KNTC1: variants seen among roughly 807,000 people sequenced by gnomAD.
KNTC1 encodes the protein kinetochore-associated protein 1.
In KNTC1, 253 loss-of-function variants were observed where a neutral mutation model predicts 314.4. The ratio of observed to expected loss-of-function variants is 0.80; its 90% CI spans 0.73 to 0.89. KNTC1 has a LOEUF of 0.89. KNTC1 is among the 40% of genes least tolerant of loss of function. The pLI is 0.00. For missense variants in KNTC1, 2,475 were observed against 2,572.9 expected (o/e 0.96, Z 0.82); for synonymous variants, 901 against 901.4 (o/e 1.00, Z 0.01).
At chr12:122,539,580 C>T (rs1259222891) in intron 4 of KNTC1, 96 bp from the exon 5 acceptor site, 2 of 833,516 alleles carry the variant, frequency 2.4e-6, no homozygotes, top group East Asian at 5.6e-5. Context: ...AGAATTATTG[C>T]TAATGATAAT....
intron 43 of KNTC1, among the ~76,000 whole-genome samples, chr12:122,596,490 T>TA (rs1472531573): frequency 2.0e-5 from 3 of 151,698 alleles, no homozygotes; most frequent in African/African-American, 7.2e-5. Flanking sequence ...GTGCTGGGAT[T>TA]ACAGGCGTGA....
chr12:122,567,951 T>C (rs1421599682), intron 20 of KNTC1, among the ~76,000 whole-genome samples: 1 of 152,090 alleles, frequency 6.6e-6, no homozygotes, highest in Non-Finnish European at 1.5e-5. Flanking sequence ...CATAGTGAGA[T>C]CCCATCTCAA....
chr12:122,566,495 C>T (rs543285008), intron 20 of KNTC1, among the ~76,000 whole-genome samples: 26 of 149,108 alleles, frequency 1.7e-4, no homozygotes, highest in Non-Finnish European at 3.1e-4. Flanking sequence ...CTGCAACTTC[C>T]GCCTCCTATA....
At chr12:122,538,040 G>A (rs1396284025) in intron 3 of KNTC1, among the ~76,000 whole-genome samples, 1 of 152,112 alleles carries the variant, frequency 6.6e-6, no homozygotes, top group East Asian at 1.9e-4. Context: ...AGGCTGAGGT[G>A]GGAGAATTGC....
At position 122,622,010 on chromosome 12, in the gene KNTC1, T is replaced by A. The variant is rs761531789; in HGVS notation, c.6369+40T>A. ...CATCTCCTTTTTGCTATGAAAATGT[T>A]GATACTAGAAGGTAGTCATTTTCCC... On this transcript the variant is annotated intron_variant, in intron 61 of 63. Transcript: ENST00000333479. The A allele has an allele frequency of 1.4e-4, 196 of 1,363,046 alleles. 1 individual carries two copies. Among genetic ancestry groups the A allele is most frequent in the Non-Finnish European group, 2.0e-4 (190 of 970,558 alleles). 84.4% of individuals were successfully genotyped at this position (1,363,046 alleles called of 1,614,324 possible). A position where few individuals can be genotyped will look rare whatever the true frequency, so the allele number is the denominator to read the frequency against.
At chr12:122,558,662 T>C (rs1963764787) in intron 18 of KNTC1, among the ~76,000 whole-genome samples, 1 of 151,838 alleles carries the variant, frequency 6.6e-6, no homozygotes. Context: ...GTGGGTCACC[T>C]GAGGTCAGGA....
rs139798764 is a variant in KNTC1, at chr12:122,559,226, C to T, written c.1488+1537C>T. On this transcript the variant is annotated intron_variant, in intron 18 of 63. Coordinates refer to ENST00000333479, the MANE Select transcript of KNTC1 (RefSeq NM_014708.6). ...AAAAAATTATCCAGGCATGGTGGCA[C>T]GCACCTGTAGTCCCAGGAGGCTGAG... Among the ~76,000 whole-genome samples, 352 of 152,036 alleles carry T rather than the reference C, an allele frequency of 2.3e-3. 2 individuals are homozygous for T. Among genetic ancestry groups the T allele is most frequent in the African/African-American group, 8.3e-3 (345 of 41,492 alleles).
Position 122,621,928 on chromosome 12 carries a change from A to G in KNTC1, c.6327A>G (p.Glu2109=). The G allele has an allele frequency of 6.2e-7, 1 of 1,609,924 alleles. No individual in the cohort carries two copies. Among genetic ancestry groups the G allele is most frequent in the Non-Finnish European group, 8.5e-7 (1 of 1,178,034 alleles). Residue 2109 remains glutamate (E), a synonymous_variant, in exon 61 of 64, where the codon GAA becomes GAG. Coordinates refer to ENST00000333479, the MANE Select transcript of KNTC1 (RefSeq NM_014708.6). The stretch of plus-strand genomic sequence containing the variant: ...CTCAGGTTATTTTAAAGCAATTGGA[A>G]GAGCATATGAACACGGGCCAGCTAG... ...CDPQVILKQL[E]EHMNTGQLAG... is the part of the protein sequence containing the mutation.
intron 5 of KNTC1, among the ~76,000 whole-genome samples, chr12:122,540,123 T>A (rs1201224747): frequency 6.6e-6 from 1 of 151,952 alleles, no homozygotes; most frequent in Non-Finnish European, 1.5e-5. Context: ...AAATTCAAAT[T>A]TGTGGTTAAT....
At chr12:122,564,096 G>A (rs1184384022) in intron 20 of KNTC1, among the ~76,000 whole-genome samples, 1 of 152,096 alleles carries the variant, frequency 6.6e-6, no homozygotes, top group African/African-American at 2.4e-5. Context: ...TTGTGCCTCA[G>A]CCTCCCAAGT....
At chr12:122,554,015 G>A (rs1276739117) in intron 16 of KNTC1, among the ~76,000 whole-genome samples, 4 of 147,016 alleles carry the variant, frequency 2.7e-5, no homozygotes, top group South Asian at 2.1e-4. Flanking sequence ...CTTGCTACTC[G>A]TGCTTGTTTT....
intron 31 of KNTC1, among the ~76,000 whole-genome samples, chr12:122,579,440 C>T (rs4633500): frequency 9.4e-4 from 143 of 152,206 alleles, no homozygotes; most frequent in Middle Eastern, 3.4e-3. Context: ...TGGCGAGGCA[C>T]TTACTAAACA....
At chr12:122,553,750 T>C (rs1963357191) in intron 16 of KNTC1, among the ~76,000 whole-genome samples, 1 of 151,960 alleles carries the variant, frequency 6.6e-6, no homozygotes, top group Non-Finnish European at 1.5e-5. Context: ...TACACATATT[T>C]GGGAAGAAAT....
chr12:122,598,027 A>G (rs776202686), intron 44 of KNTC1, 89 bp downstream of exon 44: 67 of 912,952 alleles, frequency 7.3e-5, no homozygotes, highest in Middle Eastern at 2.9e-4. Context: ...TGGATGTATA[A>G]GTCTATATTT....
intron 16 of KNTC1, among the ~76,000 whole-genome samples, chr12:122,556,112 G>T (rs1293002831): frequency 2.0e-5 from 3 of 151,822 alleles, no homozygotes; most frequent in African/African-American, 7.3e-5. Flanking sequence ...TACCTCCCAG[G>T]TTCGTGTGAT....
chr12:122,547,579 G>A (rs1376220262), intron 11 of KNTC1, 49 bp downstream of exon 11: 7 of 1,126,678 alleles, frequency 6.2e-6, no homozygotes, highest in Non-Finnish European at 9.3e-6. Context: ...TTAGTACCAG[G>A]TATCTTGTCT....
Position 122,563,771 on chromosome 12 carries a change from G to T in KNTC1, c.1604+1072G>T, listed in dbSNP as rs200746078. The T allele has an allele frequency of 1.4e-3, 2,021 of 1,472,052 alleles. 3 individuals carry two copies. The highest frequency in any genetic ancestry group is 1.6e-3 in the Non-Finnish European group (1,735 of 1,105,630). 91.2% of individuals were successfully genotyped at this position (1,472,052 alleles called of 1,614,324 possible). A position where few individuals can be genotyped will look rare whatever the true frequency, so the allele number is the denominator to read the frequency against. On this transcript the variant is annotated intron_variant, in intron 20 of 63. Transcript: ENST00000333479. ...TGATCTGGCTCTTCTTGTAACGCCA[G>T]TCGTGCCCATATGATGACTCTTCCA... is the stretch of plus-strand genomic sequence containing the variant.
chr12:122,539,803 A>G (rs1445531045), intron 5 of KNTC1, 49 bp downstream of exon 5: 3 of 1,063,072 alleles, frequency 2.8e-6, no homozygotes, highest in East Asian at 2.8e-5. Flanking sequence ...TTTTTTTTTA[A>G]TGGAGTCTCC....
intron 45 of KNTC1, 65 bp downstream of exon 45, chr12:122,601,690 TC>T (rs1566006476): frequency 7.3e-7 from 1 of 1,371,530 alleles, no homozygotes; most frequent in African/African-American, 1.5e-5. Flanking sequence ...ATAAATCATA[TC>T]ATTATCCAGG....
Sources: allele counts gnomAD v4.1 joint callset (sites outside exome capture counted in the v4.1 genomes callset), GRCh38; gene constraint gnomAD v4.1.1; transcripts MANE v1.5; gene names NCBI Gene and HGNC (gene_info 2026-07-23, HGNC 2026-07-21).